CPA6: variants seen among roughly 807,000 people sequenced by gnomAD.
The protein encoded by CPA6 is carboxypeptidase A6.
CPA6 carries 58 observed loss-of-function variants against 63.3 expected under a neutral mutation model. That is an observed-to-expected ratio of 0.92 (90% CI 0.74 to 1.14). The LOEUF (loss-of-function observed/expected upper bound fraction) is 1.14, where lower values mean the gene tolerates loss of function less well. Among genes scored for constraint, CPA6 ranks in the 50% most tolerant of loss-of-function variants. The pLI is 0.00. For missense variants in CPA6, 565 were observed against 526.6 expected (o/e 1.07, Z -0.71); for synonymous variants, 185 against 179.0 (o/e 1.03, Z -0.27).
chr8:67,646,455 T>G (rs968490354), intron 1 of CPA6, among the ~76,000 whole-genome samples: 3 of 152,122 alleles, frequency 2.0e-5, no homozygotes, highest in African/African-American at 7.2e-5. Flanking sequence ...AAATACCCCA[T>G]TTTTGGTGGG....
At chr8:67,679,498 A>T (rs1338859448) in intron 1 of CPA6, among the ~76,000 whole-genome samples, 1 of 152,206 alleles carries the variant, frequency 6.6e-6, no homozygotes, top group Non-Finnish European at 1.5e-5. Context: ...TTTCAATTTC[A>T]TATAATTGAC....
At chr8:67,679,315 G>A (rs191440428) in intron 1 of CPA6, among the ~76,000 whole-genome samples, 4 of 152,220 alleles carry the variant, frequency 2.6e-5, no homozygotes, top group Admixed American at 2.0e-4. Context: ...GGTGTTACCC[G>A]GGTTTTTGAA....
rs565712102 is a variant in CPA6, at chr8:67,511,958, G to A, written c.318-303C>T. ...ATGACTACGAGCACTTAGATTTACT[G>A]AGTACTACTTACCTACCAGCAGCCA... On this transcript the variant is annotated intron_variant, in intron 3 of 10. Coordinates refer to ENST00000297770, the MANE Select transcript of CPA6 (RefSeq NM_020361.5). 2.6e-5 allele frequency among the ~76,000 whole-genome samples: 4 copies of A among 152,292 alleles called. No homozygotes were observed. In the South Asian group the frequency reaches 8.3e-4, roughly 32 times the overall value.
intron 2 of CPA6, among the ~76,000 whole-genome samples, chr8:67,545,804 C>G (rs1812806310): frequency 6.6e-6 from 1 of 152,008 alleles, no homozygotes; most frequent in Non-Finnish European, 1.5e-5. Flanking sequence ...ATTAGGTGAT[C>G]CGCCCACCTC....
intron 8 of CPA6, among the ~76,000 whole-genome samples, chr8:67,439,665 A>C (rs1291954713): frequency 6.6e-6 from 1 of 152,212 alleles, no homozygotes; most frequent in Non-Finnish European, 1.5e-5. Flanking sequence ...ACAGGAATTA[A>C]GACGGCAGAA....
intron 2 of CPA6, among the ~76,000 whole-genome samples, chr8:67,595,314 C>T (rs1814296485): frequency 6.6e-6 from 1 of 152,222 alleles, no homozygotes; most frequent in African/African-American, 2.4e-5. Flanking sequence ...CCCCATTAGG[C>T]TGCTCGGGGG....
chr8:67,613,190 T>C (rs7832751), intron 2 of CPA6, among the ~76,000 whole-genome samples: 60,782 of 152,066 alleles, frequency 0.4, 13,321 homozygotes, highest in African/African-American at 0.56. Context: ...ATGATACCTG[T>C]TTGCTCCATC....
chr8:67,520,776 T>C (rs1812242039), intron 2 of CPA6, among the ~76,000 whole-genome samples: 2 of 152,260 alleles, frequency 1.3e-5, no homozygotes, highest in African/African-American at 4.8e-5. Flanking sequence ...ATACAAGACA[T>C]GCTTAACAGC....
intron 2 of CPA6, among the ~76,000 whole-genome samples, chr8:67,601,093 C>A (rs1814485387): frequency 6.6e-6 from 1 of 152,098 alleles, no homozygotes. Context: ...CAGTTGAGTA[C>A]AAATCCTCAT....
chr8:67,642,232 C>A (rs1319503654), intron 1 of CPA6, among the ~76,000 whole-genome samples: 1 of 151,702 alleles, frequency 6.6e-6, no homozygotes, highest in Non-Finnish European at 1.5e-5. Context: ...GCAGGAGAAT[C>A]ACTTGAACCT....
At chr8:67,693,991 G>A (rs1472743066) in intron 1 of CPA6, among the ~76,000 whole-genome samples, 1 of 152,186 alleles carries the variant, frequency 6.6e-6, no homozygotes, top group Non-Finnish European at 1.5e-5. Flanking sequence ...ATAAGTTATT[G>A]CATTTGGCCC....
chr8:67,571,165 A>G (rs1813476436), intron 2 of CPA6, among the ~76,000 whole-genome samples: 1 of 152,216 alleles, frequency 6.6e-6, no homozygotes. Context: ...AATTATAAAC[A>G]CATGTGCACT....
At chr8:67,649,050 C>T (rs1245939797) in intron 1 of CPA6, among the ~76,000 whole-genome samples, 2 of 151,754 alleles carry the variant, frequency 1.3e-5, no homozygotes, top group East Asian at 3.9e-4. Context: ...TTGTTTTTTA[C>T]CTCTTGATGG....
chr8:67,514,350 G>T (rs762396667), intron 3 of CPA6, among the ~76,000 whole-genome samples: 1 of 151,966 alleles, frequency 6.6e-6, no homozygotes, highest in Non-Finnish European at 1.5e-5. Context: ...TTCATAGAGG[G>T]GAATTGATCA....
intron 2 of CPA6, among the ~76,000 whole-genome samples, chr8:67,605,080 G>A (rs1403625373): frequency 1.4e-5 from 2 of 145,018 alleles, no homozygotes; most frequent in South Asian, 2.2e-4. Flanking sequence ...GCCCAGCCAC[G>A]TTTTTTTTTT....
chr8:67,470,399 T>C (rs950411575), intron 8 of CPA6, among the ~76,000 whole-genome samples: 6 of 152,182 alleles, frequency 3.9e-5, no homozygotes, highest in African/African-American at 1.4e-4. Context: ...GCCATCCCAG[T>C]TACAGCGCCC....
At chr8:67,468,118 T>C (rs1001059535) in intron 8 of CPA6, among the ~76,000 whole-genome samples, 34 of 152,194 alleles carry the variant, frequency 2.2e-4, no homozygotes, top group African/African-American at 7.7e-4. Flanking sequence ...ATCTTGTGTT[T>C]GTCAAACATT....
chr8:67,738,070 C>T (rs149620210), intron 1 of CPA6, among the ~76,000 whole-genome samples: 47 of 152,164 alleles, frequency 3.1e-4, no homozygotes, highest in African/African-American at 1.0e-3. Context: ...AAATTCTAAA[C>T]ATCCATTTGG....
chr8:67,467,434 C>T (rs752313796), intron 8 of CPA6, among the ~76,000 whole-genome samples: 20 of 152,156 alleles, frequency 1.3e-4, no homozygotes, highest in East Asian at 1.9e-4. Flanking sequence ...TGTTTTTCAC[C>T]GGATTCTGAC....
Sources: gnomAD v4.1 joint callset for allele counts (sites outside exome capture counted in the v4.1 genomes callset) on GRCh38, gnomAD v4.1.1 for gene constraint, MANE v1.5 for transcripts, NCBI Gene and HGNC (gene_info 2026-07-23, HGNC 2026-07-21) for gene names.